Variants in ZNF536 observed in about 807,000 individuals in gnomAD.
ZNF536 encodes the protein zinc finger protein 536.
In ZNF536, 13 loss-of-function variants were observed where a neutral mutation model predicts 84.5. The ratio of observed to expected loss-of-function variants is 0.15; its 90% CI spans 0.10 to 0.24. The LOEUF (loss-of-function observed/expected upper bound fraction) is 0.24, where lower values mean the gene tolerates loss of function less well. ZNF536 is among the 10% of genes least tolerant of loss of function. The probability of loss-of-function intolerance (pLI) is 1.00; values close to 1 mark genes in which losing one functional copy is unlikely to be tolerated. For synonymous variants in ZNF536, 811 were observed against 742.5 expected (o/e 1.09, Z -1.50); for missense variants, 1,536 against 1,747.5 (o/e 0.88, Z 2.16).
At chr19:30,546,705 G>A (rs961624536) in intron 3 of ZNF536, among the ~76,000 whole-genome samples, 1 of 152,242 alleles carries the variant, frequency 6.6e-6, no homozygotes, top group Non-Finnish European at 1.5e-5. Flanking sequence ...AGAGGAAGGG[G>A]AGGGGGAATA....
At chr19:30,520,227 C>A (rs1042778117) in intron 2 of ZNF536, among the ~76,000 whole-genome samples, 10 of 152,098 alleles carry the variant, frequency 6.6e-5, no homozygotes, top group African/African-American at 2.4e-4. Flanking sequence ...CATTGCAGTC[C>A]CAAGTTCCTG....
intron 2 of ZNF536, among the ~76,000 whole-genome samples, chr19:30,308,383 G>T (rs935600230): frequency 1.3e-5 from 2 of 151,958 alleles, no homozygotes; most frequent in Non-Finnish European, 2.9e-5. Flanking sequence ...TGATTTTCTT[G>T]AAACAAAGAG....
chr19:30,404,552 T>TA (rs1339769673), intron 1 of ZNF536, among the ~76,000 whole-genome samples: 29 of 152,358 alleles, frequency 1.9e-4, no homozygotes, highest in African/African-American at 7.0e-4. Context: ...TAAAACTCAC[T>TA]GATAGAGTTT....
At position 30,698,347 on chromosome 19, in the gene ZNF536, G is replaced by T. The variant is rs188225185; in HGVS notation, c.170-12410G>T. Among the ~76,000 whole-genome samples, 11 of 151,836 alleles carry T rather than the reference G, an allele frequency of 7.2e-5. No homozygotes were observed. In the East Asian group the frequency reaches 1.9e-3, roughly 27 times the overall value. ...ACAGAGAACTCTCATAGATTTCACC[G>T]CCATTTCCCACTATTATTAACATCT... On this transcript the variant is annotated intron_variant, in intron 1 of 1. Coordinates refer to the ZNF536 transcript ENST00000592773.
At chr19:30,561,459 AC>A (rs1447538728), downstream of ZNF536, among the ~76,000 whole-genome samples, 2 of 152,122 alleles carry the variant, frequency 1.3e-5, no homozygotes, top group Non-Finnish European at 2.9e-5. Flanking sequence ...TTCCTTGGTG[AC>A]CTAGTTGGGT....
intron 1 of ZNF536, among the ~76,000 whole-genome samples, chr19:30,269,896 C>T (rs979872815): frequency 6.6e-6 from 1 of 152,184 alleles, no homozygotes; most frequent in Admixed American, 6.5e-5. Flanking sequence ...TAGCTGGTTC[C>T]AGTTTTCAGG....
At chr19:30,677,506 T>G (rs563030767) in intron 1 of ZNF536, among the ~76,000 whole-genome samples, 1 of 152,334 alleles carries the variant, frequency 6.6e-6, no homozygotes, top group Non-Finnish European at 1.5e-5. Context: ...ACAGTGTGCC[T>G]TGGCGAGGAC....
chr19:30,577,491 T>G (rs571202972), intron 1 of ZNF536, among the ~76,000 whole-genome samples: 1 of 152,348 alleles, frequency 6.6e-6, no homozygotes, highest in East Asian at 1.9e-4. Flanking sequence ...CACCAAGATA[T>G]GCAGCTGCAT....
chr19:30,502,525 C>T (rs995706554), intron 2 of ZNF536, among the ~76,000 whole-genome samples: 6 of 152,082 alleles, frequency 3.9e-5, no homozygotes, highest in Admixed American at 3.9e-4. Flanking sequence ...GCTGGAGACT[C>T]TGGGGAGCAG....
intron 2 of ZNF536, among the ~76,000 whole-genome samples, chr19:30,347,120 T>TTC (rs10678520): frequency 0.61 from 89,577 of 147,206 alleles, 28,413 homozygotes; most frequent in East Asian, 0.79. Flanking sequence ...TTTTTTTTTT[T>TTC]ATATGATTCT....
rs574838874 is a variant in ZNF536 at position 30,453,184 on chromosome 19, C to T, written c.2170+7452C>T. Among the ~76,000 whole-genome samples, 7 of 152,264 alleles carry T rather than the reference C, an allele frequency of 4.6e-5. No individual in the cohort carries two copies. The South Asian group carries it at 1.5e-3, about 32-fold the overall frequency. ...CAGAAAGCTGTGTCCCCCCCACCCC[C>T]AAAAGGAACTTAGGGGAACAGGACT... On this transcript the variant is annotated intron_variant, in intron 2 of 4. Transcript: ENST00000355537.
chr19:30,439,397 G>A (rs766148207), intron 1 of ZNF536, among the ~76,000 whole-genome samples: 53 of 152,184 alleles, frequency 3.5e-4, no homozygotes, highest in Admixed American at 2.9e-3. Flanking sequence ...GATGGGTGAA[G>A]TGTCAAGGCT....
chr19:30,394,341 G>A (rs2049723734), intron 1 of ZNF536, among the ~76,000 whole-genome samples: 1 of 152,116 alleles, frequency 6.6e-6, no homozygotes, highest in Non-Finnish European at 1.5e-5. Context: ...GTGCAAATGG[G>A]TAGTTAGGTA....
At chr19:30,635,083 T>TGC (rs752956638) in intron 1 of ZNF536, among the ~76,000 whole-genome samples, 2 of 152,058 alleles carry the variant, frequency 1.3e-5, no homozygotes, top group Non-Finnish European at 2.9e-5. Flanking sequence ...TGTGTGTGTG[T>TGC]GTGTGTGTAT....
chr19:30,471,713 T>G (rs1412116640), intron 2 of ZNF536, among the ~76,000 whole-genome samples: 1 of 152,230 alleles, frequency 6.6e-6, no homozygotes, highest in Non-Finnish European at 1.5e-5. Context: ...GCAGAGGCCC[T>G]GCTGAGGCAC....
At chr19:30,300,196 G>A (rs748948203) in intron 2 of ZNF536, among the ~76,000 whole-genome samples, 1 of 151,988 alleles carries the variant, frequency 6.6e-6, no homozygotes, top group Admixed American at 6.6e-5. Flanking sequence ...ATTTCCCCCC[G>A]TCCCACCCCG....
intron 2 of ZNF536, among the ~76,000 whole-genome samples, chr19:30,504,920 T>A (rs1033661215): frequency 1.3e-5 from 2 of 152,182 alleles, no homozygotes; most frequent in African/African-American, 4.8e-5. Flanking sequence ...ATGGCCCATA[T>A]GCAGATGAAA....
At chr19:30,529,758 C>T (rs571592674) in intron 2 of ZNF536, among the ~76,000 whole-genome samples, 15 of 152,294 alleles carry the variant, frequency 9.8e-5, no homozygotes, top group East Asian at 7.7e-4. Context: ...CTTGTAGGCA[C>T]GGGCAGAGGA....
At chr19:30,261,741 A>G (rs1183743228) in intron 1 of ZNF536, among the ~76,000 whole-genome samples, 1 of 151,768 alleles carries the variant, frequency 6.6e-6, no homozygotes, top group Non-Finnish European at 1.5e-5. Context: ...GAGTTGATTT[A>G]AAGTTAATTA....
Sources: gnomAD v4.1 joint callset for allele counts (sites outside exome capture counted in the v4.1 genomes callset) on GRCh38, gnomAD v4.1.1 for gene constraint, MANE v1.5 for transcripts, NCBI Gene and HGNC (gene_info 2026-07-23, HGNC 2026-07-21) for gene names.